Variants in CLYBL observed in about 807,000 individuals in gnomAD.
The protein encoded by CLYBL is citramalyl-CoA lyase, also known as citramalyl-CoA lyase, mitochondrial.
CLYBL carries 31 observed loss-of-function variants against 38.9 expected under a neutral mutation model. That is an observed-to-expected ratio of 0.80 (90% CI 0.60 to 1.08). CLYBL has a LOEUF of 1.08. Among genes scored for constraint, CLYBL ranks in the 50% least tolerant of loss-of-function variants. CLYBL has a pLI of 0.00. For synonymous variants in CLYBL, 171 were observed against 158.6 expected, an observed-to-expected ratio of 1.08 and a Z score of -0.59; for missense variants, 434 against 411.6, an observed-to-expected ratio of 1.05 and a Z score of -0.47.
chr13:99,722,664 G>A, intron 1 of CLYBL, among the ~76,000 whole-genome samples: 1 of 152,212 alleles, frequency 6.6e-6, no homozygotes, highest in East Asian at 1.9e-4. Context: ...CAGGAGCACT[G>A]AATCAGGCAG....
At position 99,826,841 on chromosome 13, in the gene CLYBL, C is replaced by T. The variant is rs543766522; in HGVS notation, c.250-32020C>T. ...CCCTGTTGGAACACATGCCCCTTGG[C>T]GAGGAATCTCCATACACCACCGAGC... On this transcript the variant is annotated intron_variant, in intron 2 of 8. Transcript: ENST00000339105. 7.5e-4 allele frequency among the ~76,000 whole-genome samples: 114 copies of T among 152,250 alleles called. 1 individual carries two copies. The highest frequency in any genetic ancestry group is 1.4e-3 in the Non-Finnish European group (97 of 68,026).
intron 1 of CLYBL, among the ~76,000 whole-genome samples, chr13:99,769,692 C>T (rs1055145050): frequency 9.9e-5 from 15 of 152,128 alleles, no homozygotes; most frequent in African/African-American, 1.7e-4. Context: ...TGAAATGTTT[C>T]GTAAGCCATG....
chr13:99,776,163 CA>C (rs35654270), intron 2 of CLYBL, among the ~76,000 whole-genome samples: 9 of 54,724 alleles, frequency 1.6e-4, no homozygotes, highest in East Asian at 1.3e-3. Flanking sequence ...GACTCCATCT[CA>C]AAAAAAAAAA....
In CLYBL at chr13:99,789,716, G is replaced by A. The variant is rs567215297; in HGVS notation, c.249+16706G>A. On this transcript the variant is annotated intron_variant, in intron 2 of 8. Coordinates refer to ENST00000339105, the MANE Select transcript of CLYBL (RefSeq NM_206808.5). ...AGTTCTGTAGATGTCTATTAGGTCC[G>A]CTTGTTGCAGAGCTGAGTTCAATTC... Among the ~76,000 whole-genome samples the A allele has an allele frequency of 3.2e-4, 48 of 152,258 alleles. 1 individual carries two copies. The highest frequency in any genetic ancestry group is 6.8e-3 in the Middle Eastern group (2 of 294).
At chr13:99,668,601 A>AG (rs1431023610) in intron 1 of CLYBL, among the ~76,000 whole-genome samples, 1 of 147,098 alleles carries the variant, frequency 6.8e-6, no homozygotes, top group African/African-American at 2.5e-5. Flanking sequence ...AAAAAAAAAG[A>AG]AAAAAAGAAT....
intron 1 of CLYBL, among the ~76,000 whole-genome samples, chr13:99,638,159 T>C (rs2047049079): frequency 6.6e-6 from 1 of 152,108 alleles, no homozygotes; most frequent in African/African-American, 2.4e-5. Flanking sequence ...TGTCTCCCCA[T>C]GTTGCCCTGG....
intron 1 of CLYBL, among the ~76,000 whole-genome samples, chr13:99,639,097 G>A (rs967495929): frequency 6.6e-6 from 1 of 152,140 alleles, no homozygotes; most frequent in Non-Finnish European, 1.5e-5. Flanking sequence ...CCCTGATGAT[G>A]TAACAATAAA....
chr13:99,780,491 C>G (rs1392458637), intron 2 of CLYBL, among the ~76,000 whole-genome samples: 1 of 152,118 alleles, frequency 6.6e-6, no homozygotes, highest in Non-Finnish European at 1.5e-5. Flanking sequence ...CGCCATTCTG[C>G]TGCCTCGGCC....
At chr13:99,749,103 C>A (rs1279965420) in intron 1 of CLYBL, among the ~76,000 whole-genome samples, 1 of 151,776 alleles carries the variant, frequency 6.6e-6, no homozygotes. Context: ...TTACTTGAAC[C>A]CTGGAAGTGG....
At chr13:99,715,197 G>T (rs1349736866) in intron 1 of CLYBL, among the ~76,000 whole-genome samples, 1 of 152,090 alleles carries the variant, frequency 6.6e-6, no homozygotes, top group East Asian at 1.9e-4. Flanking sequence ...CCAAGGCTAG[G>T]AGGCAACTGG....
At chr13:99,701,311 T>G in intron 1 of CLYBL, among the ~76,000 whole-genome samples, 1 of 152,114 alleles carries the variant, frequency 6.6e-6, no homozygotes, top group Admixed American at 6.6e-5. Flanking sequence ...ATGTGGTTTT[T>G]GTTTTTGTTT....
intron 1 of CLYBL, among the ~76,000 whole-genome samples, chr13:99,749,132 A>C (rs952168153): frequency 6.6e-6 from 1 of 151,794 alleles, no homozygotes; most frequent in African/African-American, 2.4e-5. Context: ...CTGAGCCAAG[A>C]TCACACCACT....
At chr13:99,782,117 TG>T (rs1179546633) in intron 2 of CLYBL, among the ~76,000 whole-genome samples, 1 of 152,202 alleles carries the variant, frequency 6.6e-6, no homozygotes, top group Middle Eastern at 3.2e-3. Flanking sequence ...CAGATCTTCC[TG>T]GGGTCAGTTT....
intron 2 of CLYBL, among the ~76,000 whole-genome samples, chr13:99,776,008 C>CA (rs2049505853): frequency 1.3e-5 from 2 of 151,394 alleles, no homozygotes; most frequent in African/African-American, 4.8e-5. Flanking sequence ...CTAAAAAATA[C>CA]AAAAAATTAG....
chr13:99,798,072 CCTT>C (rs1218153884), intron 2 of CLYBL, among the ~76,000 whole-genome samples: 2 of 152,160 alleles, frequency 1.3e-5, no homozygotes, highest in Non-Finnish European at 2.9e-5. Flanking sequence ...GTTTTCCTCT[CCTT>C]CATCTTGAAA....
At chr13:99,767,242 G>A (rs1487355322) in intron 1 of CLYBL, among the ~76,000 whole-genome samples, 1 of 152,188 alleles carries the variant, frequency 6.6e-6, no homozygotes, top group Admixed American at 6.5e-5. Context: ...CTGGGGTCCT[G>A]GGAACTGTCT....
At chr13:99,793,033 A>AACAC (rs10631674) in intron 2 of CLYBL, among the ~76,000 whole-genome samples, 16,445 of 145,906 alleles carry the variant, frequency 0.11, 1,103 homozygotes, top group East Asian at 0.32. Flanking sequence ...GTGCATACAT[A>AACAC]ACACACACAC....
rs117305096 is a variant in CLYBL, at chr13:99,650,296, C to T, written c.62+43539C>T. ...AATCAGAGTGGTATGGTGGCGCACA[C>T]CTGTAGTCCCAGCTACTGGGAAGGC... On this transcript the variant is annotated intron_variant, in intron 1 of 8. Transcript: ENST00000339105. Among the ~76,000 whole-genome samples, 34 of 152,094 alleles carry T rather than the reference C, an allele frequency of 2.2e-4. No individual in the cohort carries two copies. In the East Asian group the frequency reaches 6.6e-3, roughly 29 times the overall value.
At position 99,606,731 on chromosome 13, in the gene CLYBL, A is replaced by AGCTGCGGCGGCGGC; in HGVS notation, c.42_55dup (p.Leu19ArgfsTer6). On this transcript the variant is annotated frameshift_variant, in exon 1 of 9. Transcript: ENST00000339105. LOFTEE classifies it high-confidence loss of function. ...GTCTGCTGCGGAGGGCGGCGCGCGGAGCTGCGGCGGCGGCGCTGCTGAGGC... is the reference window on the plus strand; with the variant it reads ...GTCTGCTGCGGAGGGCGGCGCGCGGAGCTGCGGCGGCGGCGCTGCGGCGGCGGCGCTGCTGAGGC... The AGCTGCGGCGGCGGC allele has an allele frequency of 6.7e-7, 1 of 1,487,758 alleles. No homozygotes were observed. The highest frequency in any genetic ancestry group is 1.5e-5 in the African/African-American group (1 of 67,996). The allele number at this position is 1,487,758 out of a possible 1,614,324, so 92.2% of individuals were successfully genotyped here.
Sources: gnomAD v4.1 joint callset for allele counts (sites outside exome capture counted in the v4.1 genomes callset) on GRCh38, gnomAD v4.1.1 for gene constraint, MANE v1.5 for transcripts, NCBI Gene and HGNC (gene_info 2026-07-23, HGNC 2026-07-21) for gene names.